The following MIX23 variants were observed in gnomAD, a reference collection of about 807,000 sequenced individuals.
MIX23 encodes the protein protein MIX23.
MIX23 carries 13 observed loss-of-function variants against 21.6 expected under a neutral mutation model. The observed-to-expected ratio is 0.60, with a 90% confidence interval of 0.39 to 0.96. MIX23 has a LOEUF of 0.96. MIX23 is among the 40% of genes least tolerant of loss of function. The pLI, the probability that MIX23 is intolerant of heterozygous loss-of-function variation, is 0.00. For missense variants in MIX23, 144 were observed against 171.2 expected (o/e 0.84, Z 0.89); for synonymous variants, 59 against 58.0 (o/e 1.02, Z -0.08).
intron 2 of MIX23, among the ~76,000 whole-genome samples, chr3:122,368,691 C>T (rs1023731256): frequency 6.6e-5 from 10 of 152,154 alleles, no homozygotes; most frequent in Admixed American, 2.0e-4. Flanking sequence ...TACAACCACC[C>T]GCACACACCT....
intron 1 of MIX23, among the ~76,000 whole-genome samples, chr3:122,376,166 C>CTAA (rs2075485324): frequency 1.6e-5 from 1 of 64,480 alleles, no homozygotes; most frequent in Non-Finnish European, 2.7e-5. Flanking sequence ...GACTCCGTCT[C>CTAA]AAAAAAAAAA....
At chr3:122,359,962 C>A (rs371794468) in intron 4 of MIX23, 43 bp from the exon 5 acceptor site, 2 of 1,541,842 alleles carry the variant, frequency 1.3e-6, no homozygotes, top group East Asian at 2.3e-5. Flanking sequence ...AGTTATCCTG[C>A]GTAAATCAGG....
At chr3:122,360,697 AC>A (rs2075351990) in intron 4 of MIX23, among the ~76,000 whole-genome samples, 1 of 152,118 alleles carries the variant, frequency 6.6e-6, no homozygotes, top group African/African-American at 2.4e-5. Flanking sequence ...CTCAGAATTT[AC>A]CCCCATACAT....
chr3:122,362,391 T>C (rs1431949163), intron 4 of MIX23, among the ~76,000 whole-genome samples: 1 of 152,214 alleles, frequency 6.6e-6, no homozygotes. Context: ...TAATTAGTGT[T>C]AGGAGACATA....
chr3:122,380,829 G>T (rs2075525695), intron 1 of MIX23, among the ~76,000 whole-genome samples: 1 of 152,152 alleles, frequency 6.6e-6, no homozygotes, highest in South Asian at 2.1e-4. Context: ...AGATAGGAAG[G>T]CCTGTTGCAA....
rs1001409654 is a variant in MIX23 at position 122,372,662 on chromosome 3, CA to C, written c.52-863del. ...CAGACATAGTGAGACCCTGTCTCTA[CA>C]AAAAAAAAATTTTTTTTAATTAGCC... On this transcript the variant is annotated intron_variant, in intron 1 of 4. Transcript: ENST00000291458. Among the ~76,000 whole-genome samples, 7 of 149,346 alleles carry C rather than the reference CA, an allele frequency of 4.7e-5. No homozygotes were observed. In the South Asian group the frequency reaches 1.1e-3, roughly 23 times the overall value.
At chr3:122,377,058 G>C (rs2075493271) in intron 1 of MIX23, among the ~76,000 whole-genome samples, 1 of 152,140 alleles carries the variant, frequency 6.6e-6, no homozygotes. Flanking sequence ...GCGCACACCT[G>C]TAGTCTCAGC....
chr3:122,377,448 A>C (rs67446552), intron 1 of MIX23, among the ~76,000 whole-genome samples: 26,008 of 152,162 alleles, frequency 0.17, 2,416 homozygotes, highest in Middle Eastern at 0.27. Flanking sequence ...CCAATGATTA[A>C]GGAATTCTTA....
At chr3:122,366,751 G>A (rs1482302641) in intron 3 of MIX23, 1 of 152,040 alleles carries the variant, frequency 6.6e-6, no homozygotes, top group Non-Finnish European at 1.5e-5. Context: ...ATAAACCCGT[G>A]TAACATGGTG....
At chr3:122,381,135 G>T (rs149295843) in intron 1 of MIX23, among the ~76,000 whole-genome samples, 1 of 152,132 alleles carries the variant, frequency 6.6e-6, no homozygotes, top group East Asian at 1.9e-4. Context: ...GCCTGCCTAA[G>T]GCCCAACTCT....
At chr3:122,380,335 G>A (rs2107689340) in intron 1 of MIX23, among the ~76,000 whole-genome samples, 1 of 152,122 alleles carries the variant, frequency 6.6e-6, no homozygotes, top group East Asian at 1.9e-4. Context: ...TTACATCAAA[G>A]CTCCCACGGT....
chr3:122,371,493 C>T (rs768646007), intron 2 of MIX23, among the ~76,000 whole-genome samples, 182 bp downstream of exon 2: 2 of 152,192 alleles, frequency 1.3e-5, no homozygotes, highest in African/African-American at 2.4e-5. Context: ...ATTTCACAAG[C>T]GTAAGGTCAC....
chr3:122,375,354 A>G (rs1480097552), intron 1 of MIX23, among the ~76,000 whole-genome samples: 9 of 152,232 alleles, frequency 5.9e-5, no homozygotes, highest in Non-Finnish European at 4.4e-5. Context: ...AGAGACTTGG[A>G]AAGAGTAGGA....
At chr3:122,368,377 T>G (rs770512212) in intron 2 of MIX23, 55 bp from the exon 3 acceptor site, 21 of 1,489,432 alleles carry the variant, frequency 1.4e-5, no homozygotes, top group Middle Eastern at 1.8e-4. Context: ...TTTATCACAT[T>G]TTAGTGTTTT....
chr3:122,381,391 G>A (rs536501507), intron 1 of MIX23, among the ~76,000 whole-genome samples: 2 of 152,254 alleles, frequency 1.3e-5, no homozygotes, highest in East Asian at 1.9e-4. Flanking sequence ...GAGGTCATAA[G>A]GGTGGGCCCT....
chr3:122,372,627 G>A (rs896896044), intron 1 of MIX23, among the ~76,000 whole-genome samples: 1 of 151,976 alleles, frequency 6.6e-6, no homozygotes, highest in Non-Finnish European at 1.5e-5. Flanking sequence ...TTTGAGACCA[G>A]CCTTAATGAC....
chr3:122,379,250 G>A (rs570150610), intron 1 of MIX23, among the ~76,000 whole-genome samples: 2 of 152,226 alleles, frequency 1.3e-5, no homozygotes, highest in East Asian at 1.9e-4. Flanking sequence ...AAGGAGATTC[G>A]AATTTTATTT....
intron 3 of MIX23, among the ~76,000 whole-genome samples, chr3:122,363,542 G>A (rs193226280): frequency 6.6e-6 from 1 of 151,780 alleles, no homozygotes; most frequent in Admixed American, 6.5e-5. Flanking sequence ...TTGAACCCAG[G>A]GATTCCAGTT....
At chr3:122,364,155 G>A (rs1178623715) in intron 3 of MIX23, among the ~76,000 whole-genome samples, 2 of 152,180 alleles carry the variant, frequency 1.3e-5, no homozygotes, top group African/African-American at 2.4e-5. Flanking sequence ...TGGCAACAAC[G>A]ATAAGAATGG....
Sources: allele counts gnomAD v4.1 joint callset (sites outside exome capture counted in the v4.1 genomes callset), GRCh38; gene constraint gnomAD v4.1.1; transcripts MANE v1.5; gene names NCBI Gene and HGNC (gene_info 2026-07-23, HGNC 2026-07-21).